CSK: variants seen among roughly 807,000 people sequenced by gnomAD.
The protein encoded by CSK is C-terminal Src kinase.
Under a neutral mutation model 62.3 loss-of-function variants are expected in CSK, and 7 were observed. The observed-to-expected ratio is 0.11, with a 90% CI of 0.06 to 0.21. The LOEUF (loss-of-function observed/expected upper bound fraction) is 0.21, where lower values mean the gene tolerates loss of function less well. Ranked by LOEUF, CSK falls within the 10% of genes least tolerant of loss-of-function variation. CSK has a pLI of 1.00. For missense variants in CSK, 294 were observed against 613.5 expected, an observed-to-expected ratio of 0.48 and a Z score of 5.50; for synonymous variants, 237 against 246.0, an observed-to-expected ratio of 0.96 and a Z score of 0.34.
chr15:74,782,080 G>T lies in CSK; in HGVS notation c.-706G>T. ...GCGCAGGCGCGCTGCCGCGGGCGGA[G>T]GATCCGGGCCGCGCTTCCTCTCGCC... is the stretch of plus-strand genomic sequence containing the variant. On this transcript the variant is annotated 5_prime_UTR_variant, in exon 1 of 13. Transcript: ENST00000220003. This position sits in a 1 kb window ranked among gnomAD's most constrained non-coding sequence, Gnocchi z 5.7. 6.8e-6 allele frequency: 1 copy of T among 147,756 alleles called. No individual in the cohort carries two copies. Among genetic ancestry groups the T allele is most frequent in the South Asian group, 1.8e-4 (1 of 5,462 alleles). The allele number at this position is 147,756 out of a possible 1,614,324, so 9.2% of individuals were successfully genotyped here.
Position 74,802,534 on chromosome 15 carries a change from C to T in CSK, c.*21C>T. 1.2e-6 allele frequency: 2 copies of T among 1,610,710 alleles called. No individual in the cohort carries two copies. Among genetic ancestry groups the T allele is most frequent in the Non-Finnish European group, 8.5e-7 (1 of 1,179,296 alleles). On this transcript the variant is annotated 3_prime_UTR_variant, in exon 13 of 13. Transcript: ENST00000220003. ...TGTGACGGCTGGCCTCCGCCTGGGT[C>T]ATGGGCCTGTGGGGACTGAACCTGG... is the stretch of plus-strand genomic sequence containing the variant.
At chr15:74,783,556 G>C (rs2063470087) in intron 1 of CSK, among the ~76,000 whole-genome samples, 1 of 152,216 alleles carries the variant, frequency 6.6e-6, no homozygotes, top group African/African-American at 2.4e-5. Flanking sequence ...CAGCTATACA[G>C]GGCTGGATGG....
chr15:74,786,557 T>C (rs1003852254), intron 1 of CSK, among the ~76,000 whole-genome samples: 1 of 152,112 alleles, frequency 6.6e-6, no homozygotes, highest in Admixed American at 6.5e-5. Context: ...CTCCCAGAGC[T>C]TCCCAGGAGG....
rs1567219941 is a variant in CSK at position 74,802,420 on chromosome 15, G to C, written c.1260G>C (p.Lys420Asn). ...GCPPAVYEVMKNCWHLDAAMR... is the reference protein window; with the variant it reads ...GCPPAVYEVMNNCWHLDAAMR... ...CGCCCGCAGTCTATGAAGTCATGAAGAACTGCTGGCACCTGGACGCCGCCA... is the reference window on the plus strand; with the variant it reads ...CGCCCGCAGTCTATGAAGTCATGAACAACTGCTGGCACCTGGACGCCGCCA... The change falls in exon 13 of 13, where the codon AAG becomes AAC. Residue 420 changes from lysine to asparagine, a missense_variant. Coordinates refer to ENST00000220003, the MANE Select transcript of CSK (RefSeq NM_004383.3). 2.5e-6 allele frequency: 4 copies of C among 1,613,108 alleles called. No individual in the cohort carries two copies. The highest frequency in any genetic ancestry group is 1.7e-4 in the Middle Eastern group (1 of 6,056).
chr15:74,785,770 T>C (rs1037828657), intron 1 of CSK, among the ~76,000 whole-genome samples: 6 of 152,140 alleles, frequency 3.9e-5, no homozygotes, highest in African/African-American at 1.4e-4. Context: ...GGTCTCCGCC[T>C]GAGGAGCCCC....
At chr15:74,796,613 A>T (rs2063710252) in intron 1 of CSK, among the ~76,000 whole-genome samples, 1 of 152,054 alleles carries the variant, frequency 6.6e-6, no homozygotes, top group Admixed American at 6.6e-5. Context: ...AAAAAAAGAA[A>T]AGAAAAAGAA....
At chr15:74,790,301 A>C (rs957397179) in intron 1 of CSK, among the ~76,000 whole-genome samples, 4 of 152,100 alleles carry the variant, frequency 2.6e-5, no homozygotes, top group Non-Finnish European at 4.4e-5. Context: ...GGCAAGGGGG[A>C]AGGGCAAGGG....
At chr15:74,801,214 C>T in intron 9 of CSK, 112 bp downstream of exon 9, 1 of 1,196,222 alleles carries the variant, frequency 8.4e-7, no homozygotes, top group Non-Finnish European at 1.2e-6. Flanking sequence ...GCTTTTAGGT[C>T]ACCAGGGCTG....
chr15:74,787,703 G>A (rs1421970293), intron 1 of CSK, among the ~76,000 whole-genome samples: 1 of 152,108 alleles, frequency 6.6e-6, no homozygotes, highest in Non-Finnish European at 1.5e-5. Context: ...GCCCAGAGTC[G>A]AAGGAACAAG....
At chr15:74,793,418 C>T (rs937224794) in intron 1 of CSK, among the ~76,000 whole-genome samples, 17 of 152,212 alleles carry the variant, frequency 1.1e-4, no homozygotes, top group African/African-American at 3.9e-4. Context: ...CTCCCTTGCC[C>T]CTAGGCTAGT....
In CSK at chr15:74,798,351, C is replaced by T; in HGVS notation, c.15+39C>T. The T allele has an allele frequency of 6.3e-7, 1 of 1,591,684 alleles. No homozygotes were observed. The highest frequency in any genetic ancestry group is 8.6e-7 in the Non-Finnish European group (1 of 1,166,544). On this transcript the variant is annotated intron_variant, in intron 2 of 12. Transcript: ENST00000220003. The surrounding 1 kb of genome is among the most constrained non-coding windows in gnomAD (Gnocchi z 6.6). ...GAGGGTCTGGGACATGCAAGCATTC[C>T]CACCAGCCCCAGCGGGGTGCTTAGC...
At position 74,801,737 on chromosome 15, in the gene CSK, C is replaced by T. The variant is rs763228212; in HGVS notation, c.930C>T (p.Phe310=). 16 of 1,613,914 alleles carry T rather than the reference C, an allele frequency of 9.9e-6. No individual in the cohort carries two copies. The highest frequency in any genetic ancestry group is 1.7e-5 in the Admixed American group (1 of 60,004). ...EAMEYLEGNN[F]VHRDLAARNV... ...TGGAATACCTGGAGGGCAACAATTT[C>T]GTGCATCGAGACCTGGCTGCCCGCA... The change falls in exon 11 of 13, where the codon TTC becomes TTT. Residue 310 remains phenylalanine (F), a synonymous_variant. Transcript: ENST00000220003.
At chr15:74,791,164 G>A (rs2141797295) in intron 1 of CSK, among the ~76,000 whole-genome samples, 1 of 152,184 alleles carries the variant, frequency 6.6e-6, no homozygotes, top group East Asian at 1.9e-4. Context: ...AAAGATAATC[G>A]AGGCATATTT....
intron 12 of CSK, 83 bp downstream of exon 12, chr15:74,802,166 C>T: frequency 3.4e-6 from 5 of 1,476,936 alleles, no homozygotes; most frequent in East Asian, 4.5e-5. Context: ...GGCCCTGCCT[C>T]CCCAATCAAG....
intron 1 of CSK, among the ~76,000 whole-genome samples, chr15:74,795,427 A>G (rs2063690041): frequency 6.6e-6 from 1 of 152,160 alleles, no homozygotes; most frequent in Non-Finnish European, 1.5e-5. Flanking sequence ...CCCAGACCTC[A>G]TCCACTGTAT....
chr15:74,791,896 C>G (rs980635372), intron 1 of CSK, among the ~76,000 whole-genome samples: 1 of 152,158 alleles, frequency 6.6e-6, no homozygotes, highest in Admixed American at 6.5e-5. Flanking sequence ...CACTTGGTTC[C>G]GGGGTTGTCC....
At position 74,798,961 on chromosome 15, in the gene CSK, G is replaced by T. The variant is rs1361246180; in HGVS notation, c.242+23G>T. 3 of 1,481,666 alleles carry T rather than the reference G, an allele frequency of 2.0e-6. No individual in the cohort carries two copies. The highest frequency in any genetic ancestry group is 1.8e-4 in the Middle Eastern group (1 of 5,458). 91.8% of individuals were successfully genotyped at this position (1,481,666 alleles called of 1,614,324 possible). A position where few individuals can be genotyped will look rare whatever the true frequency, so the allele number is the denominator to read the frequency against. The stretch of plus-strand genomic sequence containing the variant: ...GCCGTGAGTACCACGAGGAGGGGTT[G>T]GGGAGGGAAGGGGCCTTGGTCCTCC... On this transcript the variant is annotated intron_variant, in intron 4 of 12. Transcript: ENST00000220003. This position sits in a 1 kb window ranked among gnomAD's most constrained non-coding sequence, Gnocchi z 6.6.
Position 74,786,002 on chromosome 15 carries a change from C to CTTTT in CSK, c.-66+3291_-66+3294dup, listed in dbSNP as rs536939856. 3.7e-4 allele frequency among the ~76,000 whole-genome samples: 27 copies of CTTTT among 73,626 alleles called. 1 individual carries two copies. The highest frequency in any genetic ancestry group is 1.5e-3 in the African/African-American group (23 of 15,842). 48.3% of individuals were successfully genotyped at this position (73,626 alleles called of 152,430 possible). On this transcript the variant is annotated intron_variant, in intron 1 of 12. Transcript: ENST00000220003. ...AGGCCTCTTCTCTCTCTCTCTCTCT[C>CTTTT]TTTTTTTTTTTTGTGTGTGTGTGTG...
At chr15:74,786,091 T>C (rs2063518757) in intron 1 of CSK, among the ~76,000 whole-genome samples, 1 of 149,328 alleles carries the variant, frequency 6.7e-6, no homozygotes, top group Non-Finnish European at 1.5e-5. Context: ...AATGGCGCGA[T>C]CTTGGCTCAC....
Sources: gnomAD v4.1 joint callset for allele counts (sites outside exome capture counted in the v4.1 genomes callset) on GRCh38, gnomAD v4.1.1 for gene constraint, Gnocchi (gnomAD v3.1) non-coding constraint, MANE v1.5 for transcripts, NCBI Gene and HGNC (gene_info 2026-07-23, HGNC 2026-07-21) for gene names.